LARP1: variants seen among roughly 807,000 people sequenced by gnomAD.
LARP1 encodes la-related protein 1.
LARP1 carries 36 observed loss-of-function variants against 122.7 expected under a neutral mutation model. That is an observed-to-expected ratio of 0.29 (90% CI 0.22 to 0.39). The LOEUF (loss-of-function observed/expected upper bound fraction) is 0.39, where lower values mean the gene tolerates loss of function less well. LARP1 is among the 10% of genes least tolerant of loss of function. The pLI, the probability that LARP1 is intolerant of heterozygous loss-of-function variation, is 1.00. For synonymous variants in LARP1, 539 were observed against 528.7 expected (o/e 1.02, Z -0.27); for missense variants, 1,040 against 1,403.6 (o/e 0.74, Z 4.14).
At chr5:154,701,713 C>T (rs1192649768) in intron 1 of LARP1, among the ~76,000 whole-genome samples, 1 of 151,792 alleles carries the variant, frequency 6.6e-6, no homozygotes, top group African/African-American at 2.4e-5. Flanking sequence ...CCTCCGCCTC[C>T]CAGGTTGAAG....
chr5:154,694,746 G>C (rs1159225475), intron 1 of LARP1, among the ~76,000 whole-genome samples: 1 of 152,186 alleles, frequency 6.6e-6, no homozygotes, highest in East Asian at 1.9e-4. Context: ...GCTTTAAAAT[G>C]CTTTAGCCAC....
chr5:154,795,159 T>A lies in LARP1; in HGVS notation c.1233-16T>A, dbSNP rs1365400685. 2 of 1,612,904 alleles carry A rather than the reference T, an allele frequency of 1.2e-6. No homozygotes were observed. The highest frequency in any genetic ancestry group is 1.7e-6 in the Non-Finnish European group (2 of 1,178,946). ...CACCAATCCCTCGGTGATAACTACT[T>A]CTTCCCTCCACTTAGTGAATACTAC... On this transcript the variant is annotated splice_polypyrimidine_tract_variant and intron_variant, in intron 7 of 18. Coordinates refer to ENST00000518297, the MANE Select transcript of LARP1 (RefSeq NM_033551.3).
intron 1 of LARP1, among the ~76,000 whole-genome samples, chr5:154,768,166 T>C (rs1359718484): frequency 6.6e-6 from 1 of 152,210 alleles, no homozygotes; most frequent in African/African-American, 2.4e-5. Flanking sequence ...CCTAAATGGA[T>C]TCAGTTGTCA....
rs755013648 is a variant in LARP1 at position 154,811,528 on chromosome 5, T to C, written c.2969T>C (p.Leu990Pro). 1 of 1,614,242 alleles carries C rather than the reference T, an allele frequency of 6.2e-7. No individual in the cohort carries two copies. Among genetic ancestry groups the C allele is most frequent in the Non-Finnish European group, 8.5e-7 (1 of 1,180,038 alleles). The change falls in exon 18 of 19, where the codon CTG becomes CCG. Residue 990 changes from leucine to proline, a missense_variant. Leu to Pro is a moderately conservative substitution (Grantham distance 98, BLOSUM62 -3). Coordinates refer to ENST00000518297, the MANE Select transcript of LARP1 (RefSeq NM_033551.3). Reference sequence around the variant, plus strand: ...CTCCCTACAGGCCAACTGTATGGGCTGGAGAAGTTCTGGGCCTTCTTGAAA... The same window carrying C: ...CTCCCTACAGGCCAACTGTATGGGCCGGAGAAGTTCTGGGCCTTCTTGAAA... ...KDYEAGQLYG[L>P]EKFWAFLKYS...
Position 154,806,122 on chromosome 5 carries a change from CTT to C in LARP1, c.2698+93_2698+94del, listed in dbSNP as rs1279826133. 1.4e-5 allele frequency: 19 copies of C among 1,364,684 alleles called. No individual in the cohort carries two copies. In the East Asian group the frequency reaches 3.2e-4, roughly 23 times the overall value. The allele number at this position is 1,364,684 out of a possible 1,614,324, so 84.5% of individuals were successfully genotyped here. A position where few individuals can be genotyped will look rare whatever the true frequency, so the allele number is the denominator to read the frequency against. ...TTGGGGGATACGGGGATAGGTGACT[CTT>C]TTCTCTGACTTCAGAGCAAAAAAAA... On this transcript the variant is annotated intron_variant, in intron 15 of 18. Coordinates refer to ENST00000518297, the MANE Select transcript of LARP1 (RefSeq NM_033551.3).
At chr5:154,729,622 A>AAATG in intron 1 of LARP1, 1 of 418,780 alleles carries the variant, frequency 2.4e-6, no homozygotes, top group Non-Finnish European at 4.6e-6. Context: ...CACTCCACCC[A>AAATG]AACACACTTT....
At chr5:154,767,485 G>C (rs1755047759) in intron 1 of LARP1, among the ~76,000 whole-genome samples, 1 of 152,142 alleles carries the variant, frequency 6.6e-6, no homozygotes, top group African/African-American at 2.4e-5. Context: ...CTCAGAGCCA[G>C]TTTTTCTGAC....
chr5:154,809,245 A>T (rs1199321198), intron 16 of LARP1, among the ~76,000 whole-genome samples: 2 of 151,288 alleles, frequency 1.3e-5, no homozygotes, highest in African/African-American at 4.9e-5. Context: ...CAGAAGGATC[A>T]CTTGAGCCCA....
In LARP1 at chr5:154,685,424, C is replaced by T. The variant is rs536202554; in HGVS notation, c.-180+2387C>T. 1.7e-3 allele frequency among the ~76,000 whole-genome samples: 262 copies of T among 152,232 alleles called. 1 individual carries two copies. Among genetic ancestry groups the T allele is most frequent in the Middle Eastern group, 0.014 (4 of 294 alleles). ...CCTCAGAGGCCTTGCACATGCTGTT[C>T]CTCATATTCCAAGCTGGCTGGCCCC... is the stretch of plus-strand genomic sequence containing the variant. On this transcript the variant is annotated intron_variant, in intron 1 of 18. Transcript: ENST00000687700.
At chr5:154,795,059 TG>T in intron 7 of LARP1, 115 bp from the exon 8 acceptor site, 1 of 938,906 alleles carries the variant, frequency 1.1e-6, no homozygotes, top group Non-Finnish European at 1.7e-6. Flanking sequence ...AGGATAAGGA[TG>T]GGGTAGGTCA....
intron 1 of LARP1, among the ~76,000 whole-genome samples, chr5:154,688,230 G>A (rs186218355): frequency 8.1e-4 from 124 of 152,248 alleles, no homozygotes; most frequent in African/African-American, 2.8e-3. Context: ...AGTCTCATCC[G>A]GGGAGGGGGT....
chr5:154,718,232 T>C (rs1444865742), intron 1 of LARP1, among the ~76,000 whole-genome samples: 4 of 152,202 alleles, frequency 2.6e-5, no homozygotes. Context: ...AATAGACACC[T>C]TTACAGGTCT....
chr5:154,765,327 C>T (rs1057298472), intron 1 of LARP1, among the ~76,000 whole-genome samples: 1 of 152,170 alleles, frequency 6.6e-6, no homozygotes, highest in Non-Finnish European at 1.5e-5. Context: ...CTAGCAAGTC[C>T]TGACCTTGGA....
chr5:154,792,436 G>T (rs1159234414), intron 3 of LARP1, among the ~76,000 whole-genome samples, 186 bp from the exon 4 acceptor site: 1 of 152,186 alleles, frequency 6.6e-6, no homozygotes, highest in Non-Finnish European at 1.5e-5. Context: ...CCCACCTTCT[G>T]GCCTATTTGA....
upstream of LARP1, among the ~76,000 whole-genome samples, chr5:154,708,124 G>A (rs1755038261): frequency 6.6e-6 from 1 of 152,182 alleles, no homozygotes; most frequent in African/African-American, 2.4e-5. Flanking sequence ...AAACTCTTTT[G>A]AAAGCTGAGA....
chr5:154,769,082 G>A (rs1228243630), intron 1 of LARP1, among the ~76,000 whole-genome samples: 1 of 152,134 alleles, frequency 6.6e-6, no homozygotes, highest in Non-Finnish European at 1.5e-5. Flanking sequence ...CAGGTGATTC[G>A]CCCACCTCGG....
intron 1 of LARP1, among the ~76,000 whole-genome samples, chr5:154,689,180 G>T (rs967907249): frequency 1.3e-5 from 2 of 151,934 alleles, no homozygotes; most frequent in Non-Finnish European, 2.9e-5. Flanking sequence ...TTGGCTGGGT[G>T]CGGTGGCTCA....
intron 1 of LARP1, among the ~76,000 whole-genome samples, chr5:154,746,313 G>A (rs1167498969): frequency 1.3e-5 from 2 of 152,194 alleles, no homozygotes; most frequent in Non-Finnish European, 2.9e-5. Flanking sequence ...CTGAGCGACG[G>A]TTCTTTTGGC....
At chr5:154,755,122 C>G (rs1476499469), upstream of LARP1, among the ~76,000 whole-genome samples, 1 of 151,856 alleles carries the variant, frequency 6.6e-6, no homozygotes, top group East Asian at 1.9e-4. Flanking sequence ...CCCGTCCGGT[C>G]TGAGCGTCCC....
Sources: gnomAD v4.1 joint callset for allele counts (sites outside exome capture counted in the v4.1 genomes callset) on GRCh38, gnomAD v4.1.1 for gene constraint, MANE v1.5 for transcripts, NCBI Gene and HGNC (gene_info 2026-07-23, HGNC 2026-07-21) for gene names.